The following FANCI variants were observed in gnomAD, a reference collection of about 807,000 sequenced individuals.
The protein encoded by FANCI is FA complementation group I, also known as Fanconi anemia group I protein.
A neutral mutation model predicts 176.1 loss-of-function variants in FANCI; 156 were observed. The observed-to-expected ratio is 0.89, with a 90% CI of 0.78 to 1.01. FANCI has a LOEUF of 1.01. Ranked by LOEUF, FANCI falls within the 50% of genes least tolerant of loss-of-function variation. The pLI, the probability that FANCI is intolerant of heterozygous loss-of-function variation, is 0.00. For synonymous variants in FANCI, 613 were observed against 541.7 expected, an observed-to-expected ratio of 1.13 and a Z score of -1.83; for missense variants, 1,678 against 1,534.1, an observed-to-expected ratio of 1.09 and a Z score of -1.57.
At chr15:89,306,242 A>G in intron 32 of FANCI, 48 bp downstream of exon 32, 1 of 1,590,112 alleles carries the variant, frequency 6.3e-7, no homozygotes. Context: ...TACCCCAGTG[A>G]GCCAGGAGAT....
At position 89,292,829 on chromosome 15, in the gene FANCI, A is replaced by T. The variant is rs1017506584; in HGVS notation, c.2134A>T (p.Arg712Ter). Residue 712 changes from arginine (R) to a stop codon, truncating the protein, a stop_gained, in exon 21 of 38, where the codon AGA becomes TGA. Transcript: ENST00000310775. LOFTEE classifies it high-confidence loss of function. ...LDDILESITN[R>*]MIKSELEDFE... ...TGATATATTGGAGTCCATTACTAATAGAATGATTAAGAGTGAGCTGGAAGA... is the reference window on the plus strand; with the variant it reads ...TGATATATTGGAGTCCATTACTAATTGAATGATTAAGAGTGAGCTGGAAGA... The T allele has an allele frequency of 1.2e-6, 2 of 1,614,172 alleles. No individual in the cohort carries two copies. Among genetic ancestry groups the T allele is most frequent in the Non-Finnish European group, 8.5e-7 (1 of 1,180,020 alleles).
At chr15:89,293,757 G>A in intron 22 of FANCI, 76 bp from the exon 23 acceptor site, 1 of 1,336,830 alleles carries the variant, frequency 7.5e-7, no homozygotes, top group Non-Finnish European at 1.1e-6. Context: ...GAAGCATTGT[G>A]ATTATTATCA....
Position 89,316,469 on chromosome 15 carries a change from C to T in FANCI, c.*10C>T, listed in dbSNP as rs773004000. ...GAAAAGGAAAAAATAAATGAAATGC[C>T]TGAGTTAATGTGAACTTTGGGGCTT... On this transcript the variant is annotated 3_prime_UTR_variant, in exon 38 of 38. Coordinates refer to ENST00000310775, the MANE Select transcript of FANCI (RefSeq NM_001113378.2). 1 of 1,605,668 alleles carries T rather than the reference C, an allele frequency of 6.2e-7. No homozygotes were observed.
chr15:89,309,429 T>G (rs1406607787), intron 34 of FANCI, among the ~76,000 whole-genome samples: 1 of 152,110 alleles, frequency 6.6e-6, no homozygotes, highest in Non-Finnish European at 1.5e-5. Flanking sequence ...TCTCTCACCT[T>G]AGAGATTCGT....
At chr15:89,303,180 T>A (rs1054603611) in intron 27 of FANCI, among the ~76,000 whole-genome samples, 3 of 152,206 alleles carry the variant, frequency 2.0e-5, no homozygotes, top group Non-Finnish European at 4.4e-5. Flanking sequence ...GTAGAGAGCT[T>A]TCAGTTAGCC....
At chr15:89,278,808 A>G in intron 14 of FANCI, 34 bp downstream of exon 14, 1 of 1,554,298 alleles carries the variant, frequency 6.4e-7, no homozygotes, top group African/African-American at 1.4e-5. Flanking sequence ...TAAAGTTTTT[A>G]GAAATATTTT....
intron 17 of FANCI, among the ~76,000 whole-genome samples, chr15:89,283,501 G>T (rs923282846): frequency 1.3e-5 from 2 of 152,034 alleles, no homozygotes; most frequent in East Asian, 3.9e-4. Flanking sequence ...GCTATTGAAT[G>T]GAACATTTGA....
chr15:89,291,503 GA>G, intron 19 of FANCI, 109 bp from the exon 20 acceptor site: 2 of 865,872 alleles, frequency 2.3e-6, no homozygotes, highest in South Asian at 2.7e-5. Flanking sequence ...GAACAGTTGG[GA>G]AATGTGTGTT....
At chr15:89,302,186 T>TGTGA (rs2054547583) in intron 27 of FANCI, among the ~76,000 whole-genome samples, 1 of 152,212 alleles carries the variant, frequency 6.6e-6, no homozygotes, top group African/African-American at 2.4e-5. Flanking sequence ...CTCCTCTTTA[T>TGTGA]GTGAGCCCTT....
Position 89,316,398 on chromosome 15 carries a change from G to GC in FANCI, c.3927dup (p.Thr1310HisfsTer28), listed in dbSNP as rs1208713333. The GC allele has an allele frequency of 6.2e-7, 1 of 1,611,432 alleles. No homozygotes were observed. Among genetic ancestry groups the GC allele is most frequent in the Non-Finnish European group, 8.5e-7 (1 of 1,178,552 alleles). On this transcript the variant is annotated frameshift_variant and splice_region_variant, in exon 38 of 38. Transcript: ENST00000310775. LOFTEE classifies it high-confidence loss of function. ...AGCATTAATTCTTTCCCCTTCTAGG[G>GC]CACTGCATCAGAGCATGGGGGACAG...
intron 34 of FANCI, 35 bp downstream of exon 34, chr15:89,307,707 CA>C (rs2054780020): frequency 6.2e-7 from 1 of 1,613,988 alleles, no homozygotes; most frequent in East Asian, 2.2e-5. Flanking sequence ...AATAGGTCTT[CA>C]AGAAAGGATT....
chr15:89,263,326 T>G, intron 6 of FANCI, 93 bp from the exon 7 acceptor site: 2 of 1,016,732 alleles, frequency 2.0e-6, no homozygotes, highest in Admixed American at 3.6e-5. Context: ...AAATCAAACT[T>G]GAATTGGCCC....
Position 89,263,992 on chromosome 15 carries a change from C to G in FANCI, c.635C>G (p.Pro212Arg), listed in dbSNP as rs983412017. 1 of 1,614,064 alleles carries G rather than the reference C, an allele frequency of 6.2e-7. No individual in the cohort carries two copies. The highest frequency in any genetic ancestry group is 8.5e-7 in the Non-Finnish European group (1 of 1,179,960). The change falls in exon 8 of 38, where the codon CCT (proline) becomes CGT (arginine). Residue 212 changes from proline (P) to arginine (R), a missense_variant. Pro to Arg is a moderately radical substitution (Grantham distance 103, BLOSUM62 -2). Transcript: ENST00000310775. ...AAGATGAATCTTCAAGAAATACCAC[C>G]TTTGGTCTATCAGCTTCTGGTTCTC... The part of the protein sequence containing the change: ...FSKMNLQEIP[P>R]LVYQLLVLSS...
chr15:89,311,497 G>C (rs1303829530), intron 34 of FANCI, among the ~76,000 whole-genome samples: 1 of 151,972 alleles, frequency 6.6e-6, no homozygotes, highest in Non-Finnish European at 1.5e-5. Context: ...GAACAGGGTT[G>C]ATCTAAGGAG....
At chr15:89,295,744 T>C (rs373330138) in intron 24 of FANCI, among the ~76,000 whole-genome samples, 988 of 73,476 alleles carry the variant, frequency 0.013, 4 homozygotes, top group African/African-American at 0.02. Context: ...CCCCCCCACC[T>C]TTTTTTTTTT....
chr15:89,268,000 A>G (rs79538031), intron 9 of FANCI, among the ~76,000 whole-genome samples: 16,639 of 152,202 alleles, frequency 0.11, 1,199 homozygotes, highest in East Asian at 0.27. Context: ...TCTAGTAAAC[A>G]CCTGCCTTCA....
intron 1 of FANCI, among the ~76,000 whole-genome samples, chr15:89,244,494 G>A (rs951385753): frequency 2.0e-5 from 3 of 152,194 alleles, no homozygotes; most frequent in African/African-American, 7.2e-5. Flanking sequence ...GCTCCCCAGC[G>A]TCTCTTGGCA....
chr15:89,296,930 A>T (rs1489139026), intron 24 of FANCI, among the ~76,000 whole-genome samples: 1 of 117,600 alleles, frequency 8.5e-6, no homozygotes, highest in Non-Finnish European at 1.8e-5. Context: ...TGACCCCCCC[A>T]CCTCCCTCCC....
At chr15:89,315,088 C>A (rs115002048) in intron 36 of FANCI, among the ~76,000 whole-genome samples, 194 bp from the exon 37 acceptor site, 1,639 of 152,232 alleles carry the variant, frequency 0.011, 29 homozygotes, top group African/African-American at 0.037. Context: ...GGATTACAGG[C>A]ATGAGCCACC....
Sources: allele counts gnomAD v4.1 joint callset (sites outside exome capture counted in the v4.1 genomes callset), GRCh38; gene constraint gnomAD v4.1.1; transcripts MANE v1.5; gene names NCBI Gene and HGNC (gene_info 2026-07-23, HGNC 2026-07-21).